Variants in PPA2 observed in about 807,000 individuals in gnomAD.
The protein encoded by PPA2 is inorganic pyrophosphatase 2.
A neutral mutation model predicts 49.5 loss-of-function variants in PPA2; 48 were observed. That is an observed-to-expected ratio of 0.97 (90% CI 0.77 to 1.23). The LOEUF (loss-of-function observed/expected upper bound fraction) is 1.23, where lower values mean the gene tolerates loss of function less well. Ranked by LOEUF, PPA2 falls within the 50% of genes most tolerant of loss-of-function variation. The pLI is 0.00. For missense variants in PPA2, 429 were observed against 410.1 expected (o/e 1.05, Z -0.40); for synonymous variants, 131 against 139.9 (o/e 0.94, Z 0.45).
intron 1 of PPA2, among the ~76,000 whole-genome samples, chr4:105,459,364 A>C (rs1461507571): frequency 6.6e-6 from 1 of 152,224 alleles, no homozygotes; most frequent in Admixed American, 6.5e-5. Flanking sequence ...GAACACAAAA[A>C]ACAAAATTAC....
chr4:105,373,575 T>C (rs932855883), intron 10 of PPA2, among the ~76,000 whole-genome samples: 1 of 152,162 alleles, frequency 6.6e-6, no homozygotes, highest in Non-Finnish European at 1.5e-5. Context: ...AAAAATAGAA[T>C]AATTGAGCAG....
At chr4:105,438,497 A>T (rs1447912130) in intron 5 of PPA2, among the ~76,000 whole-genome samples, 3 of 152,222 alleles carry the variant, frequency 2.0e-5, no homozygotes, top group Admixed American at 6.5e-5. Flanking sequence ...AAATGAAAGG[A>T]CAAAACACTA....
intron 5 of PPA2, among the ~76,000 whole-genome samples, chr4:105,439,492 C>T (rs1259857051): frequency 1.3e-5 from 2 of 152,040 alleles, no homozygotes; most frequent in East Asian, 3.9e-4. Flanking sequence ...TTTCTATTAA[C>T]AGGCATTCAT....
chr4:105,442,967 A>G (rs571713550), intron 5 of PPA2, among the ~76,000 whole-genome samples: 1 of 152,244 alleles, frequency 6.6e-6, no homozygotes, highest in South Asian at 2.1e-4. Flanking sequence ...TTGATCACCT[A>G]CTCCATGGCA....
intron 7 of PPA2, among the ~76,000 whole-genome samples, chr4:105,411,201 A>C (rs1722739333): frequency 6.6e-6 from 1 of 152,234 alleles, no homozygotes; most frequent in Admixed American, 6.5e-5. Flanking sequence ...TTTGCTCAAA[A>C]TAAAGGATGG....
chr4:105,462,276 T>C (rs1183055472), intron 1 of PPA2, among the ~76,000 whole-genome samples: 2 of 152,132 alleles, frequency 1.3e-5, no homozygotes, highest in Non-Finnish European at 2.9e-5. Flanking sequence ...CAGAATATAT[T>C]AGTGATACAT....
intron 6 of PPA2, among the ~76,000 whole-genome samples, chr4:105,433,061 C>CT (rs1723885032): frequency 6.6e-6 from 1 of 152,162 alleles, no homozygotes; most frequent in South Asian, 2.1e-4. Context: ...TAGTACTTTA[C>CT]TATAAGCATC....
rs769566971 is a variant in PPA2 at position 105,456,670 on chromosome 4, C to T, written c.222+11G>A. The T allele has an allele frequency of 2.5e-6, 4 of 1,586,864 alleles. No individual in the cohort carries two copies. The highest frequency in any genetic ancestry group is 2.6e-6 in the Non-Finnish European group (3 of 1,162,014). On this transcript the variant is annotated intron_variant, in intron 2 of 11. Coordinates refer to ENST00000341695, the MANE Select transcript of PPA2 (RefSeq NM_176869.3). ...ACACGTTTTCATTCCCAAAACAAGT[C>T]AAAACAATACCTCTTTAGAGTTCAC...
chr4:105,423,144 A>C (rs1202753486), intron 7 of PPA2: 1 of 152,200 alleles, frequency 6.6e-6, no homozygotes, highest in Non-Finnish European at 1.5e-5. Flanking sequence ...ACTTGAGCTC[A>C]TATTTTAATT....
intron 5 of PPA2, among the ~76,000 whole-genome samples, chr4:105,442,829 A>G (rs1453779580): frequency 6.6e-6 from 1 of 152,256 alleles, no homozygotes; most frequent in Non-Finnish European, 1.5e-5. Context: ...CAGTTGGCTC[A>G]GTAACTGCTC....
rs534990133 is a variant in PPA2, at chr4:105,428,582, A to G, written c.529-4260T>C. 4.0e-5 allele frequency among the ~76,000 whole-genome samples: 6 copies of G among 151,086 alleles called. No homozygotes were observed. The South Asian group carries it at 1.3e-3, about 32-fold the overall frequency. ...GTCTCTGATAAAACAGACTTTAACC[A>G]GAACTCATGTTCTCCCTCATAAGTG... On this transcript the variant is annotated intron_variant, in intron 6 of 11. Coordinates refer to ENST00000341695, the MANE Select transcript of PPA2 (RefSeq NM_176869.3).
chr4:105,375,105 G>C (rs1428475626), intron 10 of PPA2, among the ~76,000 whole-genome samples: 1 of 151,680 alleles, frequency 6.6e-6, no homozygotes, highest in South Asian at 2.1e-4. Context: ...AACAATATAG[G>C]TTCAATTCTT....
intron 5 of PPA2, among the ~76,000 whole-genome samples, chr4:105,441,870 T>C (rs1724380272): frequency 6.6e-6 from 1 of 152,188 alleles, no homozygotes. Flanking sequence ...CACCACACTC[T>C]GGTCCTTAGG....
At chr4:105,430,366 T>C (rs1236860085) in intron 6 of PPA2, among the ~76,000 whole-genome samples, 1 of 152,236 alleles carries the variant, frequency 6.6e-6, no homozygotes, top group African/African-American at 2.4e-5. Flanking sequence ...CAAGGGAATA[T>C]ACACAATTAT....
chr4:105,393,506 TA>T (rs1734010204), intron 9 of PPA2, among the ~76,000 whole-genome samples: 3 of 145,600 alleles, frequency 2.1e-5, no homozygotes, highest in South Asian at 4.3e-4. Context: ...ATAATAATAA[TA>T]ATAATAATAA....
intron 3 of PPA2, among the ~76,000 whole-genome samples, chr4:105,450,601 C>CTTTTTTATTT (rs1722628555): frequency 1.2e-5 from 1 of 82,678 alleles, no homozygotes; most frequent in East Asian, 3.9e-4. Context: ...GTCTGGAATT[C>CTTTTTTATTT]TTTTTTTTTT....
chr4:105,399,681 GA>G (rs1362727283), intron 7 of PPA2: 1 of 152,420 alleles, frequency 6.6e-6, no homozygotes, highest in Non-Finnish European at 1.5e-5. Flanking sequence ...AATATACAAA[GA>G]TGGTTCTGCA....
intron 7 of PPA2, chr4:105,405,365 T>C: frequency 1.3e-6 from 1 of 768,840 alleles, no homozygotes; most frequent in Non-Finnish European, 1.6e-6. Context: ...CCTAAATGAA[T>C]TTGTAATTAA....
intron 6 of PPA2, 121 bp from the exon 7 acceptor site, chr4:105,424,443 A>C: frequency 1.1e-6 from 1 of 907,830 alleles, no homozygotes; most frequent in Non-Finnish European, 1.5e-6. Flanking sequence ...CTCAATAATT[A>C]AAAATAATAT....
Sources: allele counts gnomAD v4.1 joint callset (sites outside exome capture counted in the v4.1 genomes callset), GRCh38; gene constraint gnomAD v4.1.1; transcripts MANE v1.5; gene names NCBI Gene and HGNC (gene_info 2026-07-23, HGNC 2026-07-21).